Variants in TRIP6 observed in about 807,000 individuals in gnomAD.
TRIP6 encodes the protein thyroid hormone receptor interactor 6, also known as thyroid receptor-interacting protein 6.
In TRIP6, 33 loss-of-function variants were observed where a neutral mutation model predicts 51.9. The ratio of observed to expected loss-of-function variants is 0.64; its 90% CI spans 0.48 to 0.85. TRIP6 has a LOEUF of 0.85. TRIP6 is among the 40% of genes least tolerant of loss of function. The pLI is 0.00. For missense variants in TRIP6, 661 were observed against 652.1 expected (o/e 1.01, Z -0.15); for synonymous variants, 255 against 275.8 (o/e 0.92, Z 0.75).
In TRIP6 at chr7:100,870,734, C is replaced by T. The variant is rs536156931; in HGVS notation, c.990C>T (p.Gly330=). ...TGGAGAGGAGGGCATATTGCGAGGGCTGCTACGTGGTGAGTGGCTGGGGCT... is the reference window on the plus strand; with the variant it reads ...TGGAGAGGAGGGCATATTGCGAGGGTTGCTACGTGGTGAGTGGCTGGGGCT... The part of the protein sequence containing the change: ...YAVERRAYCE[G]CYVATLEKCA... The change falls in exon 6 of 9, where the codon GGC becomes GGT. Residue 330 remains glycine, a synonymous_variant. Transcript: ENST00000200457. The T allele has an allele frequency of 1.2e-6, 2 of 1,612,056 alleles. No individual in the cohort carries two copies. The highest frequency in any genetic ancestry group is 2.2e-5 in the East Asian group (1 of 44,834).
chr7:100,871,523 C>T lies in TRIP6; in HGVS notation c.1000-20C>T. ...TGGCTCCCGCCCGCTCCCAGATCTT[C>T]CTGCCTTCCTTCCCAACAGGCCACC... On this transcript the variant is annotated intron_variant, in intron 6 of 8. Transcript: ENST00000200457. 10 of 1,609,244 alleles carry T rather than the reference C, an allele frequency of 6.2e-6. No individual in the cohort carries two copies. The highest frequency in any genetic ancestry group is 8.5e-6 in the Non-Finnish European group (10 of 1,176,632).
Position 100,872,856 on chromosome 7 carries a change from T to C in TRIP6, c.1299+112T>C, listed in dbSNP as rs543266325. On this transcript the variant is annotated intron_variant, in intron 8 of 8. Transcript: ENST00000200457. ...ATGGAAACCTGTTGCTTCTTTCTTT[T>C]TTTTTTTTTTTTGAGACGGAGTCTT... 2.3e-4 allele frequency: 309 copies of C among 1,350,732 alleles called. No individual in the cohort carries two copies. The African/African-American group carries it at 3.2e-3, about 14-fold the overall frequency. 83.7% of individuals were successfully genotyped at this position (1,350,732 alleles called of 1,614,324 possible). A position where few individuals can be genotyped will look rare whatever the true frequency, so the allele number is the denominator to read the frequency against.
At chr7:100,872,539 C>A in intron 7 of TRIP6, 85 bp from the exon 8 acceptor site, 1 of 1,578,310 alleles carries the variant, frequency 6.3e-7, no homozygotes, top group Non-Finnish European at 8.6e-7. Flanking sequence ...CTGATTCCCT[C>A]CTGTGCCCCA....
chr7:100,868,122 CA>C lies in TRIP6; in HGVS notation c.253del (p.Arg85GlyfsTer13), dbSNP rs746937107. The part of the protein sequence containing the change: ...LQHTQGLPAD[R>X]GGLRPGSLDA... Reference sequence around the variant, plus strand: ...TCCATCCTCAGGGGCTCCCTGCAGACAGGGGGGGCCTTCGCCCTGGAAGCCT... The same window carrying C: ...TCCATCCTCAGGGGCTCCCTGCAGACGGGGGGGCCTTCGCCCTGGAAGCCT... On this transcript the variant is annotated frameshift_variant, in exon 3 of 9. Coordinates refer to ENST00000200457, the MANE Select transcript of TRIP6 (RefSeq NM_003302.3). LOFTEE classifies it high-confidence loss of function. The C allele has an allele frequency of 1.7e-5, 27 of 1,612,876 alleles. No individual in the cohort carries two copies. The highest frequency in any genetic ancestry group is 8.4e-5 in the Admixed American group (5 of 59,826).
At position 100,868,174 on chromosome 7, in the gene TRIP6, A is replaced by G. The variant is rs1252966387; in HGVS notation, c.304A>G (p.Ser102Gly). The stretch of plus-strand genomic sequence containing the variant: ...GGACGCCGAGATAGACTTGCTGAGC[A>G]GCACGCTGGCCGAGCTGAATGGGGG... ...SLDAEIDLLS[S>G]TLAELNGGRG... is the part of the protein sequence containing the mutation. The change falls in exon 3 of 9, where the codon AGC becomes GGC. Residue 102 changes from serine (S) to glycine (G), a missense_variant. Transcript: ENST00000200457. 2 of 1,610,336 alleles carry G rather than the reference A, an allele frequency of 1.2e-6. No homozygotes were observed. The highest frequency in any genetic ancestry group is 1.7e-6 in the Non-Finnish European group (2 of 1,178,622).
In TRIP6 at chr7:100,868,694, C is replaced by T. The variant is rs748045368; in HGVS notation, c.563C>T (p.Ala188Val). 25 of 1,593,532 alleles carry T rather than the reference C, an allele frequency of 1.6e-5. No homozygotes were observed. Among genetic ancestry groups the T allele is most frequent in the Middle Eastern group, 3.7e-4 (2 of 5,446 alleles). Residue 188 changes from alanine (A) to valine (V), a missense_variant, in exon 4 of 9, where the codon GCC (alanine) becomes GTC (valine). Physicochemically the swap from Ala to Val is moderately conservative, Grantham distance 64 (BLOSUM62 0). Coordinates refer to ENST00000200457, the MANE Select transcript of TRIP6 (RefSeq NM_003302.3). ...GGCTGCGGCCCACCCAGGCGGGGAGCCTCTCAGGCCTCTGGGCCCCTCCCG... is the reference window on the plus strand; with the variant it reads ...GGCTGCGGCCCACCCAGGCGGGGAGTCTCTCAGGCCTCTGGGCCCCTCCCG... ...VRGCGPPRRG[A>V]SQASGPLPGP...
Position 100,873,317 on chromosome 7 carries a change from T to A in TRIP6, c.*14T>A. On this transcript the variant is annotated 3_prime_UTR_variant, in exon 9 of 9. Coordinates refer to ENST00000200457, the MANE Select transcript of TRIP6 (RefSeq NM_003302.3). Reference sequence around the variant, plus strand: ...ACTGACTGCTGAGTCTTCCTAGAAGTACCTGCTGGGTTCTCAGTTCCAGTT... The same window carrying A: ...ACTGACTGCTGAGTCTTCCTAGAAGAACCTGCTGGGTTCTCAGTTCCAGTT... 6.3e-7 allele frequency: 1 copy of A among 1,592,794 alleles called. No individual in the cohort carries two copies. The highest frequency in any genetic ancestry group is 8.6e-7 in the Non-Finnish European group (1 of 1,163,992).
intron 6 of TRIP6, 62 bp from the exon 7 acceptor site, chr7:100,871,481 T>A: frequency 6.4e-7 from 1 of 1,564,488 alleles, no homozygotes. Context: ...GTTGCTGGGG[T>A]TCCTGTTGAG....
At position 100,872,977 on chromosome 7, in the gene TRIP6, A is replaced by C. The variant is rs761783474; in HGVS notation, c.1300-195A>C. On this transcript the variant is annotated intron_variant, in intron 8 of 8. Transcript: ENST00000200457. ...GTGATTCTCCTGCCTCAGCCTCCTGAGTAGCTGGGATTACAGGTGCTGGCC... is the reference window on the plus strand; with the variant it reads ...GTGATTCTCCTGCCTCAGCCTCCTGCGTAGCTGGGATTACAGGTGCTGGCC... The C allele has an allele frequency of 1.6e-4, 171 of 1,083,128 alleles. 1 individual carries two copies. Among genetic ancestry groups the C allele is most frequent in the Non-Finnish European group, 2.0e-4 (160 of 788,320 alleles). 67.1% of individuals were successfully genotyped at this position (1,083,128 alleles called of 1,614,324 possible).
Position 100,867,388 on chromosome 7 carries a change from G to T in TRIP6, c.-110G>T. ...GGAGGAAGAGGAAAAAAAAAAGCCAGAAAAAGTTTTCTTTTCTGGAGTCCC... is the reference window on the plus strand; with the variant it reads ...GGAGGAAGAGGAAAAAAAAAAGCCATAAAAAGTTTTCTTTTCTGGAGTCCC... On this transcript the variant is annotated 5_prime_UTR_variant, in exon 1 of 9. Coordinates refer to ENST00000200457, the MANE Select transcript of TRIP6 (RefSeq NM_003302.3). The surrounding 1 kb of genome is among the most constrained non-coding windows in gnomAD (Gnocchi z 5.4). 1 of 822,366 alleles carries T rather than the reference G, an allele frequency of 1.2e-6. No individual in the cohort carries two copies. The allele number at this position is 822,366 out of a possible 1,614,324, so 50.9% of individuals were successfully genotyped here.
intron 4 of TRIP6, 62 bp downstream of exon 4, chr7:100,868,928 T>A: frequency 7.0e-7 from 1 of 1,432,152 alleles, no homozygotes; most frequent in Non-Finnish European, 9.1e-7. Flanking sequence ...CTGGGTGGGG[T>A]GGCTGGTGGT....
At position 100,870,763 on chromosome 7, in the gene TRIP6, A is replaced by G. The variant is rs1463670146; in HGVS notation, c.999+20A>G. 2.5e-6 allele frequency: 4 copies of G among 1,601,716 alleles called. No homozygotes were observed. In the Admixed American group the frequency reaches 5.0e-5, roughly 20 times the overall value. ...TACGTGGTGAGTGGCTGGGGCTGGG[A>G]GGAGGGAGTCAGTGGCTGGATGCAG... is the stretch of plus-strand genomic sequence containing the variant. On this transcript the variant is annotated intron_variant, in intron 6 of 8. Coordinates refer to ENST00000200457, the MANE Select transcript of TRIP6 (RefSeq NM_003302.3).
intron 6 of TRIP6, 153 bp downstream of exon 6, chr7:100,870,896 T>C (rs2115627728): frequency 9.2e-7 from 1 of 1,084,158 alleles, no homozygotes; most frequent in East Asian, 2.6e-5. Context: ...ATTCTGCAAG[T>C]ATCAAGCAAG....
In TRIP6 at chr7:100,872,750, G is replaced by A; in HGVS notation, c.1299+6G>A. ...TTGGCTGTTACAAGTGCGAGGTCAG[G>A]GGCCCCCAGCACGTGCAAGGGGCTG... is the stretch of plus-strand genomic sequence containing the variant. On this transcript the variant is annotated splice_donor_region_variant and intron_variant, in intron 8 of 8. Coordinates refer to ENST00000200457, the MANE Select transcript of TRIP6 (RefSeq NM_003302.3). 1 of 1,613,982 alleles carries A rather than the reference G, an allele frequency of 6.2e-7. No homozygotes were observed. Among genetic ancestry groups the A allele is most frequent in the African/African-American group, 1.3e-5 (1 of 75,044 alleles).
At chr7:100,869,026 C>T (rs546424451) in intron 4 of TRIP6, among the ~76,000 whole-genome samples, 160 bp downstream of exon 4, 6 of 152,230 alleles carry the variant, frequency 3.9e-5, no homozygotes, top group Middle Eastern at 6.8e-3. Flanking sequence ...TGGCTCACTG[C>T]AACCTCTGCC....
rs1259549716 is a variant in TRIP6, at chr7:100,872,482, T to C, written c.1179-142T>C. ...CTGCACCTAGCCTCTCTCATTCTCTTTGACATCGTCCCTTCCCCAAGACCT... is the reference window on the plus strand; with the variant it reads ...CTGCACCTAGCCTCTCTCATTCTCTCTGACATCGTCCCTTCCCCAAGACCT... On this transcript the variant is annotated intron_variant, in intron 7 of 8. Coordinates refer to ENST00000200457, the MANE Select transcript of TRIP6 (RefSeq NM_003302.3). The C allele has an allele frequency of 6.0e-6, 8 of 1,323,564 alleles. No individual in the cohort carries two copies. The African/African-American group carries it at 7.4e-5, about 12-fold the overall frequency. The allele number at this position is 1,323,564 out of a possible 1,614,324, so 82.0% of individuals were successfully genotyped here.
Position 100,870,744 on chromosome 7 carries a change from G to GT in TRIP6, c.999+2dup. On this transcript the variant is annotated splice_donor_variant, in intron 6 of 8. Coordinates refer to ENST00000200457, the MANE Select transcript of TRIP6 (RefSeq NM_003302.3). LOFTEE classifies it high-confidence loss of function. ...GGCATATTGCGAGGGCTGCTACGTG[G>GT]TGAGTGGCTGGGGCTGGGAGGAGGG... is the stretch of plus-strand genomic sequence containing the variant. 6.2e-7 allele frequency: 1 copy of GT among 1,610,058 alleles called. No individual in the cohort carries two copies. Among genetic ancestry groups the GT allele is most frequent in the Non-Finnish European group, 8.5e-7 (1 of 1,176,964 alleles).
In TRIP6 at chr7:100,868,580, G is replaced by C; in HGVS notation, c.449G>C (p.Gly150Ala). The C allele has an allele frequency of 6.2e-7, 1 of 1,613,012 alleles. No homozygotes were observed. The highest frequency in any genetic ancestry group is 8.5e-7 in the Non-Finnish European group (1 of 1,180,014). Residue 150 changes from glycine to alanine, a missense_variant, in exon 4 of 9, where the codon GGG (glycine) becomes GCG (alanine). Gly to Ala is a moderately conservative substitution (Grantham distance 60, BLOSUM62 0). Coordinates refer to ENST00000200457, the MANE Select transcript of TRIP6 (RefSeq NM_003302.3). ...PASPLPASPY[G>A]GPTPASYTTA... is the part of the protein sequence containing the mutation. Reference sequence around the variant, plus strand: ...TCGCCGCTCCCAGCGTCTCCCTATGGGGGCCCCACTCCAGCCTCTTACACT... The same window carrying C: ...TCGCCGCTCCCAGCGTCTCCCTATGCGGGCCCCACTCCAGCCTCTTACACT...
intron 8 of TRIP6, 164 bp downstream of exon 8, chr7:100,872,908 T>A (rs893740757): frequency 8.8e-6 from 11 of 1,246,076 alleles, no homozygotes; most frequent in Non-Finnish European, 9.6e-6. Flanking sequence ...TGGAGTGCAG[T>A]GGCACAATCT....
Sources: allele counts gnomAD v4.1 joint callset (sites outside exome capture counted in the v4.1 genomes callset), GRCh38; gene constraint gnomAD v4.1.1; non-coding constraint Gnocchi (gnomAD v3.1); transcripts MANE v1.5; gene names NCBI Gene and HGNC (gene_info 2026-07-23, HGNC 2026-07-21).